SERPINE3: variants seen among roughly 807,000 people sequenced by gnomAD.
The protein encoded by SERPINE3 is serpin E3.
A neutral mutation model predicts 41.7 loss-of-function variants in SERPINE3; 43 were observed. The ratio of observed to expected loss-of-function variants is 1.03; its 90% confidence interval spans 0.81 to 1.33. The LOEUF is 1.33. Among genes scored for constraint, SERPINE3 ranks in the 40% most tolerant of loss-of-function variants. The probability of loss-of-function intolerance (pLI) is 0.00; values close to 1 mark genes in which losing one functional copy is unlikely to be tolerated. For synonymous variants in SERPINE3, 200 were observed against 192.2 expected (o/e 1.04, Z -0.34); for missense variants, 440 against 491.7 (o/e 0.89, Z 0.99).
chr13:51,351,322 T>A (rs1479400198), intron 6 of SERPINE3, among the ~76,000 whole-genome samples: 1 of 152,168 alleles, frequency 6.6e-6, no homozygotes, highest in East Asian at 1.9e-4. Flanking sequence ...TTAATGACCA[T>A]CTTTTTATTT....
chr13:51,340,991 G>A lies in SERPINE3; in HGVS notation c.-17-84G>A, dbSNP rs1016414110. ...GTCCCTAGCCCCTAAAAACAGAGCT[G>A]GGGGTCCCAGTCCTCTGTGGGACAT... On this transcript the variant is annotated intron_variant, in intron 2 of 9. Coordinates refer to ENST00000681248, the MANE Select transcript of SERPINE3 (RefSeq NM_001386375.1). 7 of 1,376,326 alleles carry A rather than the reference G, an allele frequency of 5.1e-6. No homozygotes were observed. In the Admixed American group the frequency reaches 9.2e-5, roughly 18 times the overall value. 85.3% of individuals were successfully genotyped at this position (1,376,326 alleles called of 1,614,324 possible). A position where few individuals can be genotyped will look rare whatever the true frequency, so the allele number is the denominator to read the frequency against.
rs777714529 is a variant in SERPINE3, at chr13:51,341,285, A to G, written c.194A>G (p.Gln65Arg). Reference protein sequence around the residue: ...AGVSLPLEILQFGAEGSTGQQ... With the variant: ...AGVSLPLEILRFGAEGSTGQQ... ...GTGTCCCTCCCCCTGGAGATCCTGC[A>G]GTTTGGAGCAGAAGGGAGCACTGGT... Residue 65 changes from glutamine to arginine, a missense_variant, in exon 3 of 10, where the codon CAG (glutamine) becomes CGG (arginine). By Grantham distance (43) the Gln-to-Arg change is conservative. Coordinates refer to ENST00000681248, the MANE Select transcript of SERPINE3 (RefSeq NM_001386375.1). 1 of 1,613,786 alleles carries G rather than the reference A, an allele frequency of 6.2e-7. No homozygotes were observed. The highest frequency in any genetic ancestry group is 8.5e-7 in the Non-Finnish European group (1 of 1,179,786).
chr13:51,362,581 A>G (rs1955603107), intron 9 of SERPINE3: 1 of 152,568 alleles, frequency 6.6e-6, no homozygotes, highest in Non-Finnish European at 1.5e-5. Flanking sequence ...TTCTCAGTTA[A>G]GAGTTGTTGG....
chr13:51,359,512 A>G (rs546926033), intron 7 of SERPINE3, among the ~76,000 whole-genome samples: 20 of 152,254 alleles, frequency 1.3e-4, no homozygotes, highest in African/African-American at 4.1e-4. Flanking sequence ...AACTGTTTAA[A>G]TGAAACTCTT....
At chr13:51,340,341 A>C (rs962170096) in intron 1 of SERPINE3, among the ~76,000 whole-genome samples, 4 of 152,166 alleles carry the variant, frequency 2.6e-5, no homozygotes, top group Non-Finnish European at 1.5e-5. Context: ...GGAAGAGTAC[A>C]TTTCTGGGGT....
chr13:51,348,317 C>T lies in SERPINE3; in HGVS notation c.805C>T (p.Pro269Ser), dbSNP rs1955371440. 6.2e-7 allele frequency: 1 copy of T among 1,613,690 alleles called. No homozygotes were observed. Among genetic ancestry groups the T allele is most frequent in the Admixed American group, 1.7e-5 (1 of 60,002 alleles). Residue 269 changes from proline (P) to serine (S), a missense_variant, in exon 6 of 10, where the codon CCC (proline) becomes TCC (serine). Physicochemically the swap from Pro to Ser is moderately conservative, Grantham distance 74. Transcript: ENST00000681248. ...GGTGCTGCCCCGTGACAAAGACACC[C>T]CCCTGAGCCACATCGAGCCACACCT... ...FLVLPRDKDT[P>S]LSHIEPHLTA... is the part of the protein sequence containing the mutation.
chr13:51,364,047 C>G (rs1196089456), intron 9 of SERPINE3, 192 bp from the exon 10 acceptor site: 3 of 363,992 alleles, frequency 8.2e-6, no homozygotes, highest in Non-Finnish European at 1.5e-5. Flanking sequence ...AATTTAGGAA[C>G]AGACAATATA....
At chr13:51,345,814 A>C (rs1955340810) in intron 4 of SERPINE3, among the ~76,000 whole-genome samples, 1 of 152,216 alleles carries the variant, frequency 6.6e-6, no homozygotes. Flanking sequence ...CCAGGGCGTA[A>C]GGCCAGAGAA....
chr13:51,357,602 T>A (rs928775783), intron 7 of SERPINE3, among the ~76,000 whole-genome samples: 1 of 152,036 alleles, frequency 6.6e-6, no homozygotes, highest in Non-Finnish European at 1.5e-5. Flanking sequence ...CATCAAATAT[T>A]TTTTTTGCTG....
In SERPINE3 at chr13:51,349,575, G is replaced by A. The variant is rs983354708; in HGVS notation, c.899+1164G>A. On this transcript the variant is annotated intron_variant, in intron 6 of 9. Transcript: ENST00000681248. ...AAAAAGGAGGCTGGTGCGAGAATTC[G>A]CCACAACCTTTTTGGGTTTAAGAGA... Among the ~76,000 whole-genome samples, 3 of 152,262 alleles carry A rather than the reference G, an allele frequency of 2.0e-5. No homozygotes were observed. In the South Asian group the frequency reaches 6.2e-4, roughly 32 times the overall value.
At chr13:51,352,752 A>C (rs1955418675) in intron 6 of SERPINE3, among the ~76,000 whole-genome samples, 1 of 152,032 alleles carries the variant, frequency 6.6e-6, no homozygotes, top group Non-Finnish European at 1.5e-5. Context: ...CAATTTAAGG[A>C]AGTTACCTTC....
chr13:51,348,859 T>C (rs1955379169), intron 6 of SERPINE3, among the ~76,000 whole-genome samples: 1 of 49,836 alleles, frequency 2.0e-5, no homozygotes. Flanking sequence ...CAAGTACAGA[T>C]AAAATTCTGA....
intron 5 of SERPINE3, 84 bp from the exon 6 acceptor site, chr13:51,348,129 G>T: frequency 9.2e-7 from 1 of 1,083,306 alleles, no homozygotes; most frequent in Non-Finnish European, 1.3e-6. Flanking sequence ...CCAGTCCTCT[G>T]AGCCAGCCTC....
intron 7 of SERPINE3, among the ~76,000 whole-genome samples, chr13:51,359,040 G>A (rs934769257): frequency 2.0e-5 from 3 of 152,042 alleles, no homozygotes; most frequent in African/African-American, 7.2e-5. Flanking sequence ...GTGCAAAACT[G>A]TTTAGCATCT....
At chr13:51,343,794 C>T (rs1955317657) in intron 3 of SERPINE3, among the ~76,000 whole-genome samples, 1 of 152,204 alleles carries the variant, frequency 6.6e-6, no homozygotes, top group African/African-American at 2.4e-5. Context: ...ATATTGACAG[C>T]ACAACATCCT....
chr13:51,356,598 G>A (rs755242037), intron 7 of SERPINE3, among the ~76,000 whole-genome samples: 5 of 151,980 alleles, frequency 3.3e-5, no homozygotes, highest in Non-Finnish European at 7.4e-5. Context: ...AACTCCTAAA[G>A]CTCTCCCTTT....
At chr13:51,346,905 T>G (rs999809437) in intron 4 of SERPINE3, 120 bp from the exon 5 acceptor site, 2 of 685,078 alleles carry the variant, frequency 2.9e-6, no homozygotes, top group African/African-American at 1.8e-5. Flanking sequence ...GAGACCACCT[T>G]AAGCAAAAAG....
intron 6 of SERPINE3, chr13:51,354,227 G>A (rs1385664892): frequency 6.6e-6 from 1 of 151,894 alleles, no homozygotes; most frequent in Admixed American, 6.6e-5. Flanking sequence ...TAGGTGACTA[G>A]AGCATGGGCT....
In SERPINE3 at chr13:51,341,255, C is replaced by T. The variant is rs773429069; in HGVS notation, c.164C>T (p.Ala55Val). 3.1e-6 allele frequency: 5 copies of T among 1,613,890 alleles called. No homozygotes were observed. In the African/African-American group the frequency reaches 5.3e-5, roughly 17 times the overall value. The change falls in exon 3 of 10, where the codon GCT becomes GTT. Residue 55 changes from alanine to valine, a missense_variant. Coordinates refer to ENST00000681248, the MANE Select transcript of SERPINE3 (RefSeq NM_001386375.1). ...GAGACGAACTTTGTCATCTCTCCTGCTGGTGTGTCCCTCCCCCTGGAGATC... is the reference window on the plus strand; with the variant it reads ...GAGACGAACTTTGTCATCTCTCCTGTTGGTGTGTCCCTCCCCCTGGAGATC... ...RNETNFVISP[A>V]GVSLPLEILQ...
Sources: gnomAD v4.1 joint callset for allele counts (sites outside exome capture counted in the v4.1 genomes callset) on GRCh38, gnomAD v4.1.1 for gene constraint, MANE v1.5 for transcripts, NCBI Gene and HGNC (gene_info 2026-07-23, HGNC 2026-07-21) for gene names.